The following CRTAC1 variants were observed in gnomAD, a reference collection of about 807,000 sequenced individuals.
CRTAC1 encodes the protein cartilage acidic protein 1.
In CRTAC1, 37 loss-of-function variants were observed where a neutral mutation model predicts 67.8. The observed-to-expected ratio is 0.55, with a 90% CI of 0.42 to 0.72. The LOEUF is 0.72. Ranked by LOEUF, CRTAC1 falls within the 30% of genes least tolerant of loss-of-function variation. The pLI is 0.00. For missense variants in CRTAC1, 780 were observed against 931.6 expected, an observed-to-expected ratio of 0.84 and a Z score of 2.12; for synonymous variants, 348 against 371.0, an observed-to-expected ratio of 0.94 and a Z score of 0.71.
intron 3 of CRTAC1, among the ~76,000 whole-genome samples, chr10:97,926,190 G>A (rs201707961): frequency 3.3e-5 from 5 of 152,188 alleles, no homozygotes; most frequent in Non-Finnish European, 5.9e-5. Context: ...AGGGACCTGC[G>A]CTGAGCTGCT....
intron 3 of CRTAC1, among the ~76,000 whole-genome samples, chr10:97,928,963 A>T (rs933635002): frequency 2.6e-5 from 4 of 152,176 alleles, no homozygotes; most frequent in Non-Finnish European, 5.9e-5. Context: ...AGTGGAGTGA[A>T]GGGTGAATGC....
chr10:97,954,894 T>C (rs547404676), intron 2 of CRTAC1, among the ~76,000 whole-genome samples: 1 of 152,198 alleles, frequency 6.6e-6, no homozygotes, highest in East Asian at 1.9e-4. Context: ...TAAACTCTTC[T>C]CAAGATCTTG....
rs191521855 is a variant in CRTAC1 at position 97,887,018 on chromosome 10, C to T, written c.1487-2667G>A. Among the ~76,000 whole-genome samples the T allele has an allele frequency of 1.5e-4, 23 of 151,482 alleles. No homozygotes were observed. The East Asian group carries it at 3.7e-3, about 24-fold the overall frequency. On this transcript the variant is annotated intron_variant, in intron 11 of 14. Transcript: ENST00000370597. The stretch of plus-strand genomic sequence containing the variant: ...AGAGATTTGGCATTTTCAGGGTGTA[C>T]AGTTCCCAAGTTAAGTGGCACATAT...
At chr10:98,027,023 C>A (rs954051506) in intron 1 of CRTAC1, among the ~76,000 whole-genome samples, 2 of 152,086 alleles carry the variant, frequency 1.3e-5, no homozygotes, top group African/African-American at 4.8e-5. Context: ...AAAAGTTAGC[C>A]GGGCGTAGTG....
intron 14 of CRTAC1, among the ~76,000 whole-genome samples, chr10:97,873,616 C>T (rs1227209843): frequency 6.6e-6 from 1 of 152,064 alleles, no homozygotes; most frequent in African/African-American, 2.4e-5. Context: ...GGAAGTTAGC[C>T]CTTAGATTTG....
At chr10:97,867,713 T>C (rs1414626900) in intron 14 of CRTAC1, 3 of 152,138 alleles carry the variant, frequency 2.0e-5, no homozygotes, top group Non-Finnish European at 4.4e-5. Flanking sequence ...TTTTTTTTTT[T>C]TTCTTTTTCC....
chr10:97,999,884 G>T (rs112625542), intron 2 of CRTAC1, among the ~76,000 whole-genome samples: 4,072 of 152,194 alleles, frequency 0.027, 166 homozygotes, highest in African/African-American at 0.093. Context: ...TGCTGAGAGC[G>T]GCAGAGATGA....
chr10:97,865,144 A>T lies in CRTAC1; in HGVS notation c.*404T>A, dbSNP rs1282024545. On this transcript the variant is annotated 3_prime_UTR_variant, in exon 15 of 15. Coordinates refer to ENST00000370597, the MANE Select transcript of CRTAC1 (RefSeq NM_018058.7). ...TCTATTCTTAATCCCCATTTTGCAG[A>T]TGCGATAATGGATGGCTAACAAGTT... 1.2e-4 allele frequency: 20 copies of T among 165,756 alleles called. No individual in the cohort carries two copies. The highest frequency in any genetic ancestry group is 4.3e-4 in the African/African-American group (18 of 42,106). 10.3% of individuals were successfully genotyped at this position (165,756 alleles called of 1,614,324 possible).
At chr10:97,879,320 C>G (rs2050181737) in intron 14 of CRTAC1, among the ~76,000 whole-genome samples, 1 of 152,166 alleles carries the variant, frequency 6.6e-6, no homozygotes, top group Admixed American at 6.5e-5. Context: ...ATTATCGGAT[C>G]AACCGGCAAG....
chr10:97,916,531 A>G (rs1483699470), intron 5 of CRTAC1, among the ~76,000 whole-genome samples: 2 of 152,152 alleles, frequency 1.3e-5, no homozygotes, highest in African/African-American at 4.8e-5. Flanking sequence ...CAGGACTTTG[A>G]GATGATGCCA....
At chr10:97,929,389 G>A (rs1564899048) in intron 3 of CRTAC1, among the ~76,000 whole-genome samples, 1 of 152,192 alleles carries the variant, frequency 6.6e-6, no homozygotes, top group African/African-American at 2.4e-5. Flanking sequence ...GGGAGCATGA[G>A]GTTGTGTCAT....
chr10:97,990,788 A>C (rs889921688), intron 2 of CRTAC1, among the ~76,000 whole-genome samples: 4 of 152,326 alleles, frequency 2.6e-5, no homozygotes, highest in Middle Eastern at 3.4e-3. Flanking sequence ...AACGAATAAG[A>C]GCTGATGAAT....
Position 97,895,032 on chromosome 10 carries a change from C to A in CRTAC1, c.1486+213G>T, listed in dbSNP as rs534839200. ...AGAGGCACTGGGGTGGGGACTCCAG[C>A]AAGTGAGATGCATGAAAATCTAACC... On this transcript the variant is annotated intron_variant, in intron 11 of 14. Coordinates refer to ENST00000370597, the MANE Select transcript of CRTAC1 (RefSeq NM_018058.7). The surrounding 1 kb of genome is among the most constrained non-coding windows in gnomAD (Gnocchi z 4.2). Among the ~76,000 whole-genome samples, 2 of 152,040 alleles carry A rather than the reference C, an allele frequency of 1.3e-5. No homozygotes were observed. Among genetic ancestry groups the A allele is most frequent in the South Asian group, 4.1e-4 (2 of 4,820 alleles).
intron 4 of CRTAC1, among the ~76,000 whole-genome samples, chr10:97,921,569 A>G (rs2050836379): frequency 6.6e-6 from 1 of 152,210 alleles, no homozygotes; most frequent in South Asian, 2.1e-4. Context: ...AGGCAGCTAA[A>G]GCATGCAGCA....
chr10:97,976,298 A>G (rs902991060), intron 2 of CRTAC1, among the ~76,000 whole-genome samples: 7 of 152,236 alleles, frequency 4.6e-5, no homozygotes, highest in Non-Finnish European at 1.0e-4. Flanking sequence ...ATGTAGAAGC[A>G]AAAGTGTTTC....
chr10:97,911,376 T>C (rs892663515), intron 5 of CRTAC1, among the ~76,000 whole-genome samples: 2 of 152,258 alleles, frequency 1.3e-5, no homozygotes, highest in African/African-American at 4.8e-5. Context: ...CCTTGTACCA[T>C]TTGTAACCTG....
intron 14 of CRTAC1, among the ~76,000 whole-genome samples, chr10:97,874,089 G>A (rs948752967): frequency 5.3e-5 from 8 of 152,370 alleles, no homozygotes; most frequent in African/African-American, 1.9e-4. Context: ...GGTGCTGGGA[G>A]CAGCCTGGAG....
chr10:97,890,808 C>T (rs1182922547), intron 11 of CRTAC1, among the ~76,000 whole-genome samples: 4 of 151,972 alleles, frequency 2.6e-5, no homozygotes, highest in Admixed American at 2.6e-4. Context: ...GCTGGGATTA[C>T]AGGCATGCAC....
At chr10:97,972,834 CTCAA>C (rs1459053658) in intron 2 of CRTAC1, among the ~76,000 whole-genome samples, 1 of 152,116 alleles carries the variant, frequency 6.6e-6, no homozygotes, top group Non-Finnish European at 1.5e-5. Flanking sequence ...ACGATGAGAA[CTCAA>C]GTTCAAAAAA....
Sources: gnomAD v4.1 joint callset for allele counts (sites outside exome capture counted in the v4.1 genomes callset) on GRCh38, gnomAD v4.1.1 for gene constraint, Gnocchi (gnomAD v3.1) non-coding constraint, MANE v1.5 for transcripts, NCBI Gene and HGNC (gene_info 2026-07-23, HGNC 2026-07-21) for gene names.